EYS: variants seen among roughly 807,000 people sequenced by gnomAD.
EYS encodes the protein protein eyes shut homolog.
In EYS, 250 loss-of-function variants were observed where a neutral mutation model predicts 282.1. The ratio of observed to expected loss-of-function variants is 0.89; its 90% CI spans 0.80 to 0.98. EYS has a LOEUF of 0.98. Among genes scored for constraint, EYS ranks in the 50% least tolerant of loss-of-function variants. The pLI is 0.00. For synonymous variants in EYS, 1,355 were observed against 1,282.9 expected (o/e 1.06, Z -1.20); for missense variants, 4,016 against 3,709.0 (o/e 1.08, Z -2.15).
At chr6:65,426,628 C>G (rs1376491699) in intron 5 of EYS, among the ~76,000 whole-genome samples, 3 of 152,042 alleles carry the variant, frequency 2.0e-5, no homozygotes, top group African/African-American at 7.2e-5. Flanking sequence ...TCTATCAAAG[C>G]TGATTTTATA....
chr6:64,928,389 A>G (rs577080945), intron 15 of EYS, among the ~76,000 whole-genome samples: 1 of 152,214 alleles, frequency 6.6e-6, no homozygotes, highest in South Asian at 2.1e-4. Flanking sequence ...CCACAGTTCA[A>G]TACAAATAAT....
intron 26 of EYS, among the ~76,000 whole-genome samples, chr6:64,550,905 G>C (rs1765054592): frequency 6.6e-6 from 1 of 151,890 alleles, no homozygotes; most frequent in Non-Finnish European, 1.5e-5. Context: ...AACTTACAAG[G>C]GACGTGAAGG....
At chr6:64,367,782 C>T (rs1341471273) in intron 29 of EYS, among the ~76,000 whole-genome samples, 12 of 152,048 alleles carry the variant, frequency 7.9e-5, no homozygotes, top group Admixed American at 7.9e-4. Flanking sequence ...GCTCCCTTCC[C>T]ACAGCTCTTC....
At chr6:65,168,871 C>G (rs1374808047) in intron 12 of EYS, among the ~76,000 whole-genome samples, 1 of 151,284 alleles carries the variant, frequency 6.6e-6, no homozygotes, top group Admixed American at 6.6e-5. Flanking sequence ...ATCTCACAAG[C>G]AACTTTTTCA....
intron 28 of EYS, among the ~76,000 whole-genome samples, chr6:64,417,572 T>A (rs1197884207): frequency 6.6e-6 from 1 of 152,166 alleles, no homozygotes; most frequent in Non-Finnish European, 1.5e-5. Flanking sequence ...GAATTTTTTT[T>A]ATTTAGTTGC....
At chr6:64,678,757 G>T in intron 22 of EYS, among the ~76,000 whole-genome samples, 1 of 151,990 alleles carries the variant, frequency 6.6e-6, no homozygotes, top group East Asian at 1.9e-4. Flanking sequence ...GGCCGAGGCG[G>T]GTGGATCAAT....
intron 35 of EYS, among the ~76,000 whole-genome samples, chr6:63,967,181 A>G (rs947464603): frequency 2.0e-5 from 3 of 152,232 alleles, no homozygotes; most frequent in Admixed American, 1.3e-4. Flanking sequence ...TTGCATATAC[A>G]GCATAGACAT....
Position 65,563,377 on chromosome 6 carries a change from G to T in EYS, c.-332-67384C>A, listed in dbSNP as rs531136750. 1.4e-3 allele frequency among the ~76,000 whole-genome samples: 207 copies of T among 151,442 alleles called. 1 individual carries two copies. The highest frequency in any genetic ancestry group is 4.7e-3 in the African/African-American group (193 of 41,460). On this transcript the variant is annotated intron_variant, in intron 2 of 42. Transcript: ENST00000503581. ...TATGTAGTCATATTACAGAGTAATT[G>T]CAGGAGAAAATTAATATAAAACTAT...
chr6:64,989,462 AATAT>A (rs372288581), intron 14 of EYS, among the ~76,000 whole-genome samples: 16,708 of 99,522 alleles, frequency 0.17, 1,472 homozygotes, highest in East Asian at 0.25. Context: ...GGCTAGCTGT[AATAT>A]ATATATATAT....
At chr6:64,706,489 C>T (rs1472505106) in intron 22 of EYS, among the ~76,000 whole-genome samples, 1 of 152,098 alleles carries the variant, frequency 6.6e-6, no homozygotes, top group Non-Finnish European at 1.5e-5. Context: ...AAAAACTCTG[C>T]ACTGCAAAAG....
chr6:64,725,701 CAGAGGA>C (rs1176414964), intron 22 of EYS, among the ~76,000 whole-genome samples: 1 of 152,052 alleles, frequency 6.6e-6, no homozygotes, highest in Non-Finnish European at 1.5e-5. Flanking sequence ...ACCTCCAGCA[CAGAGGA>C]AGCAGGAGTC....
chr6:63,827,894 C>T (rs1356488828), intron 36 of EYS, among the ~76,000 whole-genome samples: 1 of 150,636 alleles, frequency 6.6e-6, no homozygotes, highest in Admixed American at 6.6e-5. Flanking sequence ...AGCACTCTCT[C>T]AGACCACAGT....
chr6:65,331,052 G>A (rs1769779649), intron 11 of EYS: 1 of 984,190 alleles, frequency 1.0e-6, no homozygotes, highest in African/African-American at 1.7e-5. Flanking sequence ...GCACCCATAT[G>A]TGTTATGTAG....
At chr6:64,453,025 A>G (rs1775417674) in intron 26 of EYS, among the ~76,000 whole-genome samples, 2 of 152,206 alleles carry the variant, frequency 1.3e-5, no homozygotes, top group South Asian at 4.1e-4. Context: ...TAATTAAACT[A>G]AAGAGCTTCT....
intron 12 of EYS, among the ~76,000 whole-genome samples, chr6:65,062,396 A>T (rs1773603536): frequency 6.6e-6 from 1 of 151,900 alleles, no homozygotes. Flanking sequence ...CATCTCTATT[A>T]CCAATATCTA....
chr6:64,135,763 T>C (rs950992946), intron 31 of EYS, among the ~76,000 whole-genome samples: 6 of 152,126 alleles, frequency 3.9e-5, no homozygotes, highest in Non-Finnish European at 8.8e-5. Flanking sequence ...ATATATGCCT[T>C]AATTTGAAAA....
At chr6:64,143,653 C>T (rs570135521) in intron 31 of EYS, among the ~76,000 whole-genome samples, 1 of 152,170 alleles carries the variant, frequency 6.6e-6, no homozygotes, top group Admixed American at 6.5e-5. Context: ...TCTCTCCAGA[C>T]CCTGTCCCCA....
chr6:64,451,761 CAT>C (rs1162570893), intron 26 of EYS, among the ~76,000 whole-genome samples: 1 of 152,156 alleles, frequency 6.6e-6, no homozygotes, highest in Admixed American at 6.5e-5. Context: ...ACAAAAACCA[CAT>C]GATTATCTCA....
chr6:65,511,554 G>C (rs1269930999), intron 2 of EYS, among the ~76,000 whole-genome samples: 1 of 152,102 alleles, frequency 6.6e-6, no homozygotes, highest in Non-Finnish European at 1.5e-5. Flanking sequence ...GAATCCACCT[G>C]CCCTAACCTA....
Sources: gnomAD v4.1 joint callset for allele counts (sites outside exome capture counted in the v4.1 genomes callset) on GRCh38, gnomAD v4.1.1 for gene constraint, MANE v1.5 for transcripts, NCBI Gene and HGNC (gene_info 2026-07-23, HGNC 2026-07-21) for gene names.